The following UBE2E2 variants were observed in gnomAD, a reference collection of about 807,000 sequenced individuals.
UBE2E2 encodes ubiquitin conjugating enzyme E2 E2, also known as ubiquitin-conjugating enzyme E2 E2.
A neutral mutation model predicts 24.7 loss-of-function variants in UBE2E2; 6 were observed. That is an observed-to-expected ratio of 0.24 (90% confidence interval 0.13 to 0.48). The LOEUF (loss-of-function observed/expected upper bound fraction) is 0.48. Among genes scored for constraint, UBE2E2 ranks in the 20% least tolerant of loss-of-function variants. UBE2E2 has a pLI of 0.99. For missense variants in UBE2E2, 169 were observed against 245.0 expected, an observed-to-expected ratio of 0.69 and a Z score of 2.07; for synonymous variants, 104 against 83.6, an observed-to-expected ratio of 1.24 and a Z score of -1.33.
At position 23,324,941 on chromosome 3, in the gene UBE2E2, G is replaced by T. The variant is rs558113969; in HGVS notation, c.227+107629G>T. On this transcript the variant is annotated intron_variant, in intron 3 of 5. Transcript: ENST00000396703. The stretch of plus-strand genomic sequence containing the variant: ...CATATGATAAAGATTGTGGTTTTAT[G>T]TCTGTTCAACAAACCACAGTGGAAC... Among the ~76,000 whole-genome samples, 30 of 152,248 alleles carry T rather than the reference G, an allele frequency of 2.0e-4. 1 individual carries two copies. The South Asian group carries it at 5.6e-3, about 28-fold the overall frequency.
At chr3:23,221,296 A>C (rs1696630862) in intron 3 of UBE2E2, among the ~76,000 whole-genome samples, 1 of 152,202 alleles carries the variant, frequency 6.6e-6, no homozygotes, top group Non-Finnish European at 1.5e-5. Context: ...CTTTTATTTG[A>C]TAACAGCTTT....
chr3:23,429,117 A>G (rs927346507), intron 3 of UBE2E2, among the ~76,000 whole-genome samples: 3 of 143,260 alleles, frequency 2.1e-5, no homozygotes, highest in African/African-American at 7.4e-5. Context: ...TAGGCCTTAC[A>G]TATATATTAA....
At chr3:23,414,237 T>G (rs778968698) in intron 3 of UBE2E2, among the ~76,000 whole-genome samples, 6 of 152,198 alleles carry the variant, frequency 3.9e-5, no homozygotes, top group Non-Finnish European at 8.8e-5. Context: ...GGTCCATTTT[T>G]TCCAGTTGTC....
intron 3 of UBE2E2, among the ~76,000 whole-genome samples, chr3:23,278,230 G>C (rs1559330810): frequency 6.6e-6 from 1 of 152,044 alleles, no homozygotes; most frequent in Admixed American, 6.6e-5. Flanking sequence ...ATGTATGTAT[G>C]AAAAACAGTA....
intron 3 of UBE2E2, among the ~76,000 whole-genome samples, chr3:23,413,919 T>TCATA (rs1697558221): frequency 1.3e-5 from 2 of 152,200 alleles, no homozygotes; most frequent in Admixed American, 1.3e-4. Context: ...ATGCATATAT[T>TCATA]TATCGTTATT....
At chr3:23,265,347 C>T (rs896453867) in intron 3 of UBE2E2, among the ~76,000 whole-genome samples, 2 of 152,094 alleles carry the variant, frequency 1.3e-5, no homozygotes, top group African/African-American at 4.8e-5. Context: ...CTCACCCTCC[C>T]CACATGGTAG....
At chr3:23,586,060 G>T (rs1696619078) in intron 5 of UBE2E2, among the ~76,000 whole-genome samples, 1 of 152,136 alleles carries the variant, frequency 6.6e-6, no homozygotes, top group Non-Finnish European at 1.5e-5. Context: ...TTTCAGCAGA[G>T]ATCCATTTTC....
At chr3:23,557,385 A>G (rs892650093) in intron 5 of UBE2E2, among the ~76,000 whole-genome samples, 1 of 152,122 alleles carries the variant, frequency 6.6e-6, no homozygotes, top group Non-Finnish European at 1.5e-5. Flanking sequence ...TGTTTATTCC[A>G]GTTTAGGATC....
At chr3:23,437,181 A>G (rs1210338596) in intron 3 of UBE2E2, among the ~76,000 whole-genome samples, 1 of 152,086 alleles carries the variant, frequency 6.6e-6, no homozygotes, top group East Asian at 1.9e-4. Context: ...TTCTCATCCC[A>G]GGGCCTTTCT....
At chr3:23,470,808 A>G (rs1408614636) in intron 3 of UBE2E2, among the ~76,000 whole-genome samples, 2 of 115,582 alleles carry the variant, frequency 1.7e-5, no homozygotes, top group Non-Finnish European at 3.4e-5. Context: ...GATTACTTTT[A>G]TAAAAATATA....
At chr3:23,286,883 G>A (rs1051811292) in intron 3 of UBE2E2, among the ~76,000 whole-genome samples, 1 of 151,948 alleles carries the variant, frequency 6.6e-6, no homozygotes, top group African/African-American at 2.4e-5. Context: ...TAATTTGTAG[G>A]TATTTAATTT....
chr3:23,379,757 T>C (rs1445496845), intron 3 of UBE2E2, among the ~76,000 whole-genome samples: 1 of 152,094 alleles, frequency 6.6e-6, no homozygotes, highest in Non-Finnish European at 1.5e-5. Context: ...GAAAGACACC[T>C]CTCTGAGGAG....
intron 4 of UBE2E2, among the ~76,000 whole-genome samples, chr3:23,521,933 CTTAATGAATTAAAGCAGTG>C (rs1694877946): frequency 7.5e-6 from 1 of 132,864 alleles, no homozygotes; most frequent in South Asian, 2.8e-4. Context: ...TATGTATGTG[CTTAATGAATTAAAGCAGTG>C]TGAATGTTTA....
chr3:23,335,929 T>C (rs1213963304), intron 3 of UBE2E2, among the ~76,000 whole-genome samples: 1 of 152,188 alleles, frequency 6.6e-6, no homozygotes, highest in African/African-American at 2.4e-5. Context: ...TCAAAAATAC[T>C]GATAACATAA....
chr3:23,517,030 C>G (rs1694758026), intron 4 of UBE2E2, among the ~76,000 whole-genome samples: 1 of 152,040 alleles, frequency 6.6e-6, no homozygotes, highest in South Asian at 2.1e-4. Flanking sequence ...GAAACACTGA[C>G]CAATACAGGC....
At chr3:23,349,890 C>T (rs1695683482) in intron 3 of UBE2E2, among the ~76,000 whole-genome samples, 1 of 152,134 alleles carries the variant, frequency 6.6e-6, no homozygotes, top group South Asian at 2.1e-4. Flanking sequence ...AGTGGTTCTC[C>T]CAGCAGGCAG....
At chr3:23,491,476 G>A (rs954844708) in intron 3 of UBE2E2, among the ~76,000 whole-genome samples, 3 of 152,190 alleles carry the variant, frequency 2.0e-5, no homozygotes, top group African/African-American at 7.2e-5. Flanking sequence ...CAGAAAGGTT[G>A]CAGCCAAGTT....
intron 3 of UBE2E2, among the ~76,000 whole-genome samples, chr3:23,435,018 T>C (rs565383286): frequency 6.6e-6 from 1 of 152,364 alleles, no homozygotes; most frequent in South Asian, 2.1e-4. Flanking sequence ...CTACTTATTT[T>C]CCCAAAACTC....
intron 3 of UBE2E2, among the ~76,000 whole-genome samples, chr3:23,350,576 C>T (rs1208779269): frequency 6.6e-6 from 1 of 152,090 alleles, no homozygotes; most frequent in African/African-American, 2.4e-5. Context: ...GGCTCGGGAA[C>T]TACGTGAAGA....
Sources: gnomAD v4.1 joint callset for allele counts (sites outside exome capture counted in the v4.1 genomes callset) on GRCh38, gnomAD v4.1.1 for gene constraint, MANE v1.5 for transcripts, NCBI Gene and HGNC (gene_info 2026-07-23, HGNC 2026-07-21) for gene names.